Variants in DNMT1 observed in about 807,000 individuals in gnomAD.
DNMT1 encodes the protein DNA methyltransferase 1.
DNMT1 carries 24 observed loss-of-function variants against 205.3 expected under a neutral mutation model. The ratio of observed to expected loss-of-function variants is 0.12; its 90% CI spans 0.08 to 0.16. The LOEUF (loss-of-function observed/expected upper bound fraction) is 0.16, where lower values mean the gene tolerates loss of function less well. Among genes scored for constraint, DNMT1 ranks in the 10% least tolerant of loss-of-function variants. The probability of loss-of-function intolerance (pLI) is 1.00; values close to 1 mark genes in which losing one functional copy is unlikely to be tolerated. For missense variants in DNMT1, 1,293 were observed against 2,177.7 expected, an observed-to-expected ratio of 0.59 and a Z score of 8.09; for synonymous variants, 817 against 839.8, an observed-to-expected ratio of 0.97 and a Z score of 0.47.
rs542026334 is a variant in DNMT1 at position 10,143,384 on chromosome 19, C to CTTT, written c.3116+379_3116+381dup. 8.6e-3 allele frequency among the ~76,000 whole-genome samples: 1,026 copies of CTTT among 119,478 alleles called. 22 individuals carry two copies. The highest frequency in any genetic ancestry group is 0.029 in the African/African-American group (905 of 31,234). 78.4% of individuals were successfully genotyped at this position (119,478 alleles called of 152,430 possible). On this transcript the variant is annotated intron_variant, in intron 29 of 40. Transcript: ENST00000359526. The stretch of plus-strand genomic sequence containing the variant: ...GCGTGTGCCACCACGCCCAGCTAGT[C>CTTT]TTTTTTTTTTTTTTTTTTTGGTAGG...
rs374476495 is a variant in DNMT1, at chr19:10,154,302, G to A, written c.2010C>T (p.Gly670=). The A allele has an allele frequency of 6.2e-5, 100 of 1,614,068 alleles. No individual in the cohort carries two copies. The African/African-American group carries it at 9.6e-4, about 15-fold the overall frequency. The change falls in exon 22 of 41, where the codon GGC becomes GGT. Residue 670 remains glycine (G), a synonymous_variant. Coordinates refer to ENST00000359526, the MANE Select transcript of DNMT1 (RefSeq NM_001130823.3). The surrounding 1 kb of genome is among the most constrained non-coding windows in gnomAD (Gnocchi z 6.3). ...CCACAGGTGAGGTTACCTCACAGAC[G>A]CCACATCGCCGGCGCTTAAAGGCGT... The part of the protein sequence containing the change: ...KENAFKRRRC[G]VCEVCQQPEC...
intron 28 of DNMT1, among the ~76,000 whole-genome samples, chr19:10,145,719 C>T (rs2038183862): frequency 6.6e-6 from 1 of 152,224 alleles, no homozygotes; most frequent in Non-Finnish European, 1.5e-5. Flanking sequence ...AGGCAAGATC[C>T]CACTCTCCCA....
At position 10,136,168 on chromosome 19, in the gene DNMT1, C is replaced by T. The variant is rs1441106688; in HGVS notation, c.4609G>A (p.Gly1537Ser). 6.2e-7 allele frequency: 1 copy of T among 1,613,970 alleles called. No homozygotes were observed. The highest frequency in any genetic ancestry group is 1.3e-5 in the African/African-American group (1 of 74,936). Residue 1537 changes from glycine (G) to serine (S), a missense_variant, in exon 38 of 41, where the codon GGC (glycine) becomes AGC (serine). Around this residue, in one of 13 missense-constraint regions of DNMT1, gnomAD observed 5 missense variants for 55.7 expected, o/e 0.09. Coordinates refer to ENST00000359526, the MANE Select transcript of DNMT1 (RefSeq NM_001130823.3). ...TTGGTGACGGTTGTGCTGAAGAAGC[C>T]GTCCCACTCGAGCCTTCCATAGAGG... Reference protein sequence around the residue: ...AGLYGRLEWDGFFSTTVTNPE... With the variant: ...AGLYGRLEWDSFFSTTVTNPE...
intron 2 of DNMT1, 27 bp downstream of exon 2, chr19:10,182,014 T>C (rs369976509): frequency 2.9e-5 from 47 of 1,604,994 alleles, no homozygotes; most frequent in Non-Finnish European, 3.9e-5. Flanking sequence ...GATTTGGTAA[T>C]AAGAAAAATT....
intron 14 of DNMT1, 98 bp downstream of exon 14, chr19:10,160,286 G>T: frequency 6.3e-7 from 1 of 1,579,330 alleles, no homozygotes. Flanking sequence ...TGAGCCTAAG[G>T]TTGCTCTGGC....
rs766807027 is a variant in DNMT1, at chr19:10,159,863, A to G, written c.1149T>C (p.Tyr383=). ...GTACCGCGTCTGGTGGGTGCTGCCC[A>G]TATTTGAGGTCAGGGTCGTCCAGGT... ...GQYLDDPDLK[Y]GQHPPDAVDE... The change falls in exon 16 of 41, where the codon TAT becomes TAC. Residue 383 remains tyrosine, a synonymous_variant. Transcript: ENST00000359526. The surrounding 1 kb of genome is among the most constrained non-coding windows in gnomAD (Gnocchi z 5.0). 2.5e-5 allele frequency: 41 copies of G among 1,614,068 alleles called. No homozygotes were observed. Among genetic ancestry groups the G allele is most frequent in the Admixed American group, 6.7e-5 (4 of 59,992 alleles).
rs151121498 is a variant in DNMT1 at position 10,139,972 on chromosome 19, C to T, written c.3806+74G>A. ...GGGGGGCAGAGGCCTCAGTGCAGGG[C>T]GAAAATGACCACTGCTGACATGCGG... On this transcript the variant is annotated intron_variant, in intron 33 of 40. Coordinates refer to ENST00000359526, the MANE Select transcript of DNMT1 (RefSeq NM_001130823.3). 5.5e-4 allele frequency: 887 copies of T among 1,599,872 alleles called. 7 individuals are homozygous for T. In the South Asian group the frequency reaches 7.1e-3, roughly 13 times the overall value.
In DNMT1 at chr19:10,134,236, T is replaced by A. The variant is rs2089433358; in HGVS notation, c.4845A>T (p.Lys1615Asn). 2.5e-6 allele frequency: 4 copies of A among 1,614,192 alleles called. No individual in the cohort carries two copies. Among genetic ancestry groups the A allele is most frequent in the Non-Finnish European group, 3.4e-6 (4 of 1,180,040 alleles). ...CCATACCTGAGGCACTCTCTCGGGC[T>A]TTGGCCAACATACAAAGCTTGATCT... ...GLEIKLCMLA[K>N]ARESASAKIK... is the part of the protein sequence containing the mutation. The change falls in exon 40 of 41, where the codon AAA (lysine) becomes AAT (asparagine). Residue 1615 changes from lysine to asparagine, a missense_variant. Lys to Asn is a moderately conservative substitution (Grantham distance 94). Around this residue, in one of 13 missense-constraint regions of DNMT1, gnomAD observed 37 missense variants for 36.3 expected, o/e 1.02. Coordinates refer to ENST00000359526, the MANE Select transcript of DNMT1 (RefSeq NM_001130823.3).
chr19:10,183,096 C>T (rs963965152), intron 1 of DNMT1, among the ~76,000 whole-genome samples: 2 of 138,808 alleles, frequency 1.4e-5, no homozygotes, highest in African/African-American at 2.9e-5. Flanking sequence ...TATATATACA[C>T]GTATATATAC....
In DNMT1 at chr19:10,160,391, T is replaced by C. The variant is rs1459359320; in HGVS notation, c.1036A>G (p.Lys346Glu). 2.5e-6 allele frequency: 4 copies of C among 1,614,186 alleles called. No homozygotes were observed. The South Asian group carries it at 3.3e-5, about 13-fold the overall frequency. Residue 346 changes from lysine to glutamate, a missense_variant, in exon 14 of 41, where the codon AAA (lysine) becomes GAA (glutamate). Coordinates refer to ENST00000359526, the MANE Select transcript of DNMT1 (RefSeq NM_001130823.3). ...KEEKRRKTTP[K>E]EPTEKKMARA... ...TCAAGAATAAATTCTTACGGTTCTT[T>C]GGGGGTCGTTTTGCGTCTCTTCTCC...
chr19:10,142,575 G>A (rs2089621896), intron 29 of DNMT1, among the ~76,000 whole-genome samples: 1 of 149,682 alleles, frequency 6.7e-6, no homozygotes, highest in Non-Finnish European at 1.5e-5. Context: ...TTAGGGAACT[G>A]CAAGGTAGAT....
In DNMT1 at chr19:10,154,141, G is replaced by T; in HGVS notation, c.2019+152C>A. On this transcript the variant is annotated intron_variant, in intron 22 of 40. Coordinates refer to ENST00000359526, the MANE Select transcript of DNMT1 (RefSeq NM_001130823.3). This position sits in a 1 kb window ranked among gnomAD's most constrained non-coding sequence, Gnocchi z 6.3. ...TATTGACGTTCAATGAAGTATGCAGGGTCCTCCCAGACCACTAACTAATTT... is the reference window on the plus strand; with the variant it reads ...TATTGACGTTCAATGAAGTATGCAGTGTCCTCCCAGACCACTAACTAATTT... 1.2e-6 allele frequency: 1 copy of T among 805,260 alleles called. No individual in the cohort carries two copies. 49.9% of individuals were successfully genotyped at this position (805,260 alleles called of 1,614,324 possible).
rs2038443593 is a variant in DNMT1, at chr19:10,155,701, G to C, written c.1492+152C>G. On this transcript the variant is annotated intron_variant, in intron 19 of 40. Transcript: ENST00000359526. ...AGAGCCAGTCATAACTAACACAAGA[G>C]GCTACCCCAACTGAACCTGCTAAGG... 9.1e-6 allele frequency: 7 copies of C among 771,804 alleles called. No individual in the cohort carries two copies. The South Asian group carries it at 1.0e-4, about 12-fold the overall frequency. The allele number at this position is 771,804 out of a possible 1,614,324, so 47.8% of individuals were successfully genotyped here.
At position 10,159,238 on chromosome 19, in the gene DNMT1, C is replaced by T. The variant is rs933054967; in HGVS notation, c.1280+420G>A. 1.3e-5 allele frequency among the ~76,000 whole-genome samples: 2 copies of T among 152,182 alleles called. No homozygotes were observed. The highest frequency in any genetic ancestry group is 2.9e-5 in the Non-Finnish European group (2 of 68,030). On this transcript the variant is annotated intron_variant, in intron 17 of 40. Coordinates refer to ENST00000359526, the MANE Select transcript of DNMT1 (RefSeq NM_001130823.3). This position sits in a 1 kb window ranked among gnomAD's most constrained non-coding sequence, Gnocchi z 5.0. The stretch of plus-strand genomic sequence containing the variant: ...CAGCTTTCCACGTGGCTCTTTGAGA[C>T]GGAGTCTTGCTCTGTCGCCCAGGCT...
Position 10,133,657 on chromosome 19 carries a change from G to C in DNMT1, c.*10C>G. 4 of 1,598,830 alleles carry C rather than the reference G, an allele frequency of 2.5e-6. No individual in the cohort carries two copies. Among genetic ancestry groups the C allele is most frequent in the Non-Finnish European group, 3.4e-6 (4 of 1,171,928 alleles). ...CTGGTGCCAGAAACAGGGGTGACGGGAGGGCAGAACTAGTCCTTAGCAGCT... is the reference window on the plus strand; with the variant it reads ...CTGGTGCCAGAAACAGGGGTGACGGCAGGGCAGAACTAGTCCTTAGCAGCT... On this transcript the variant is annotated 3_prime_UTR_variant, in exon 41 of 41. Transcript: ENST00000359526. This position sits in a 1 kb window ranked among gnomAD's most constrained non-coding sequence, Gnocchi z 4.1.
intron 29 of DNMT1, 137 bp from the exon 30 acceptor site, chr19:10,142,357 C>T (rs910885323): frequency 4.9e-6 from 6 of 1,217,386 alleles, no homozygotes; most frequent in Non-Finnish European, 7.0e-6. Context: ...GGGTAAAGAC[C>T]CCCTCAGTTA....
chr19:10,180,115 A>C, intron 5 of DNMT1, 72 bp downstream of exon 5: 1 of 557,594 alleles, frequency 1.8e-6, no homozygotes. Context: ...GGAGTTCTGG[A>C]CCAGCCTGGC....
At chr19:10,167,114 G>A (rs907676293) in intron 10 of DNMT1, among the ~76,000 whole-genome samples, 7 of 152,100 alleles carry the variant, frequency 4.6e-5, no homozygotes, top group Admixed American at 2.6e-4. Context: ...GGGCCCTGCC[G>A]CTCAGGTGGG....
At chr19:10,141,759 C>T in intron 30 of DNMT1, 2 of 497,692 alleles carry the variant, frequency 4.0e-6, no homozygotes, top group Non-Finnish European at 7.2e-6. Context: ...CACCAAGACA[C>T]TAAAACGTTA....
Sources: gnomAD v4.1 joint callset for allele counts (sites outside exome capture counted in the v4.1 genomes callset) on GRCh38, gnomAD v4.1.1 for gene constraint, gnomAD v4.1.1 regional missense constraint, Gnocchi (gnomAD v3.1) non-coding constraint, MANE v1.5 for transcripts, NCBI Gene and HGNC (gene_info 2026-07-23, HGNC 2026-07-21) for gene names.